The following MAGI3 variants were observed in gnomAD, a reference collection of about 807,000 sequenced individuals.
MAGI3 encodes the protein membrane-associated guanylate kinase, WW and PDZ domain-containing protein 3.
MAGI3 carries 43 observed loss-of-function variants against 121.8 expected under a neutral mutation model. The observed-to-expected ratio is 0.35, with a 90% CI of 0.28 to 0.46. The LOEUF is 0.46. Ranked by LOEUF, MAGI3 falls within the 20% of genes least tolerant of loss-of-function variation. The pLI is 1.00. For missense variants in MAGI3, 1,547 were observed against 1,797.3 expected, an observed-to-expected ratio of 0.86 and a Z score of 2.52; for synonymous variants, 553 against 639.3, an observed-to-expected ratio of 0.86 and a Z score of 2.04.
intron 1 of MAGI3, among the ~76,000 whole-genome samples, chr1:113,416,353 T>TATA (rs1652396019): frequency 4.5e-5 from 5 of 110,620 alleles, no homozygotes; most frequent in East Asian, 2.3e-4. Flanking sequence ...ATTAATTATA[T>TATA]ATTAATTTAT....
rs868293749 is a variant in MAGI3, at chr1:113,617,841, A to G, written c.1077-1895A>G. ...TTATTTTCACAGAGTTAAACAGTTA[A>G]CTCAGTGGACAGTGTATCCCCCGCA... On this transcript the variant is annotated intron_variant, in intron 7 of 20. Coordinates refer to ENST00000307546, the MANE Select transcript of MAGI3 (RefSeq NM_001142782.2). Among the ~76,000 whole-genome samples the G allele has an allele frequency of 3.5e-4, 54 of 152,162 alleles. 1 individual carries two copies. Among genetic ancestry groups the G allele is most frequent in the Admixed American group, 3.1e-3 (47 of 15,282 alleles).
At chr1:113,541,421 A>G (rs1339512980) in intron 1 of MAGI3, among the ~76,000 whole-genome samples, 1 of 152,174 alleles carries the variant, frequency 6.6e-6, no homozygotes, top group African/African-American at 2.4e-5. Flanking sequence ...TGTTTCTTCA[A>G]ACTGTAACTT....
At chr1:113,663,708 C>A (rs1428150004) in intron 16 of MAGI3, among the ~76,000 whole-genome samples, 1 of 151,998 alleles carries the variant, frequency 6.6e-6, no homozygotes, top group Non-Finnish European at 1.5e-5. Flanking sequence ...TTTTCTTGGT[C>A]GTATACCTAG....
intron 6 of MAGI3, among the ~76,000 whole-genome samples, chr1:113,607,808 G>A (rs1649876761): frequency 6.6e-6 from 1 of 152,102 alleles, no homozygotes; most frequent in South Asian, 2.1e-4. Flanking sequence ...ATTGTCAGCA[G>A]AGTAAAGTCC....
chr1:113,545,581 C>T (rs1659499956), intron 1 of MAGI3, among the ~76,000 whole-genome samples: 1 of 152,134 alleles, frequency 6.6e-6, no homozygotes, highest in Admixed American at 6.6e-5. Context: ...TGGTGGTGAA[C>T]ATTAATTTGC....
At chr1:113,487,750 G>A (rs1330612350) in intron 1 of MAGI3, among the ~76,000 whole-genome samples, 1 of 143,974 alleles carries the variant, frequency 6.9e-6, no homozygotes, top group Non-Finnish European at 1.5e-5. Context: ...ATTGACATCT[G>A]TTTTTTTTTT....
chr1:113,560,406 AAAAAAACC>A (rs1444038144), intron 2 of MAGI3, among the ~76,000 whole-genome samples: 3 of 132,834 alleles, frequency 2.3e-5, no homozygotes, highest in Admixed American at 1.4e-4. Flanking sequence ...AAAACAAACA[AAAAAAACC>A]AAAAAAACAA....
chr1:113,457,258 C>A (rs904865089), intron 1 of MAGI3, among the ~76,000 whole-genome samples: 1 of 152,096 alleles, frequency 6.6e-6, no homozygotes, highest in Non-Finnish European at 1.5e-5. Flanking sequence ...CAAAATTTGG[C>A]AGGTTTTCAT....
At chr1:113,467,393 G>A (rs1655342114) in intron 1 of MAGI3, among the ~76,000 whole-genome samples, 1 of 152,250 alleles carries the variant, frequency 6.6e-6, no homozygotes, top group Non-Finnish European at 1.5e-5. Flanking sequence ...TGTTCCATGT[G>A]CTGATGAGAA....
chr1:113,466,356 A>T (rs1479852734), intron 1 of MAGI3, among the ~76,000 whole-genome samples: 2 of 152,136 alleles, frequency 1.3e-5, no homozygotes, highest in African/African-American at 4.8e-5. Flanking sequence ...ATGGTGAATG[A>T]TCTTTTTAAT....
chr1:113,437,562 T>C (rs2101442679), intron 1 of MAGI3, among the ~76,000 whole-genome samples: 1 of 152,060 alleles, frequency 6.6e-6, no homozygotes, highest in East Asian at 2.0e-4. Flanking sequence ...TTAGCTGTGT[T>C]TCCCACTGGC....
intron 16 of MAGI3, among the ~76,000 whole-genome samples, chr1:113,665,983 T>C (rs988969875): frequency 5.3e-5 from 8 of 152,230 alleles, no homozygotes; most frequent in African/African-American, 1.9e-4. Context: ...ATTTACACTA[T>C]ACTGTAGTCT....
rs759460164 is a variant in MAGI3 at position 113,651,182 on chromosome 1, G to C, written c.2416G>C (p.Val806Leu). Residue 806 changes from valine to leucine, a missense_variant, in exon 14 of 21, where the codon GTC becomes CTC. Coordinates refer to ENST00000307546, the MANE Select transcript of MAGI3 (RefSeq NM_001142782.2). ...TCGAAATGGCCATGTGTTACTAACTGTCAGACGGAAGATCTTCTATGGAGG... is the reference window on the plus strand; with the variant it reads ...TCGAAATGGCCATGTGTTACTAACTCTCAGACGGAAGATCTTCTATGGAGG... The part of the protein sequence containing the change: ...AARNGHVLLT[V>L]RRKIFYGEKQ... 2.5e-6 allele frequency: 4 copies of C among 1,612,018 alleles called. No homozygotes were observed. Among genetic ancestry groups the C allele is most frequent in the Non-Finnish European group, 3.4e-6 (4 of 1,179,538 alleles).
intron 6 of MAGI3, among the ~76,000 whole-genome samples, chr1:113,602,254 A>G (rs1344477132): frequency 1.3e-5 from 2 of 152,086 alleles, no homozygotes; most frequent in African/African-American, 2.4e-5. Context: ...ACTCAAAATC[A>G]TATGAGGTAT....
At chr1:113,641,108 A>AAATATATATGATATATAT (rs1652497949) in intron 9 of MAGI3, among the ~76,000 whole-genome samples, 4 of 40,670 alleles carry the variant, frequency 9.8e-5, no homozygotes, top group African/African-American at 2.3e-4. Context: ...TATGATATAT[A>AAATATATATGATATATAT]AATATATATG....
chr1:113,537,105 A>G (rs534621303), intron 1 of MAGI3, among the ~76,000 whole-genome samples: 2 of 152,322 alleles, frequency 1.3e-5, no homozygotes, highest in East Asian at 1.9e-4. Flanking sequence ...CCATTAGCAC[A>G]TGAAGTCTTC....
intron 1 of MAGI3, among the ~76,000 whole-genome samples, chr1:113,519,745 G>T (rs1658086761): frequency 1.3e-5 from 2 of 152,196 alleles, no homozygotes; most frequent in African/African-American, 2.4e-5. Flanking sequence ...TAGTGACTCA[G>T]TGGCCAGGAT....
chr1:113,679,134 T>C (rs1223212883), intron 19 of MAGI3, among the ~76,000 whole-genome samples: 1 of 152,232 alleles, frequency 6.6e-6, no homozygotes, highest in Non-Finnish European at 1.5e-5. Flanking sequence ...GCGGCACATG[T>C]ACAGGTTTGT....
At chr1:113,450,401 A>G in intron 1 of MAGI3, 1 of 1,120,158 alleles carries the variant, frequency 8.9e-7, no homozygotes, top group Non-Finnish European at 1.4e-6. Flanking sequence ...GATATAATGG[A>G]TTTGGAGGTG....
Sources: allele counts gnomAD v4.1 joint callset (sites outside exome capture counted in the v4.1 genomes callset), GRCh38; gene constraint gnomAD v4.1.1; transcripts MANE v1.5; gene names NCBI Gene and HGNC (gene_info 2026-07-23, HGNC 2026-07-21).